Variants in XRN1 observed in about 807,000 individuals in gnomAD.
XRN1 encodes strand-exchange protein 1 homolog.
In XRN1, 67 loss-of-function variants were observed where a neutral mutation model predicts 222.3. That is an observed-to-expected ratio of 0.30 (90% CI 0.25 to 0.37). XRN1 has a LOEUF of 0.37. XRN1 is among the 10% of genes least tolerant of loss of function. The pLI, the probability that XRN1 is intolerant of heterozygous loss-of-function variation, is 1.00. For synonymous variants in XRN1, 643 were observed against 652.4 expected, an observed-to-expected ratio of 0.99 and a Z score of 0.22; for missense variants, 1,707 against 2,000.2, an observed-to-expected ratio of 0.85 and a Z score of 2.80.
intron 15 of XRN1, among the ~76,000 whole-genome samples, chr3:142,409,775 T>C (rs1387224301): frequency 6.6e-6 from 1 of 152,226 alleles, no homozygotes; most frequent in Admixed American, 6.5e-5. Flanking sequence ...AGTCTTCATA[T>C]CCATGAACAT....
chr3:142,334,693 A>T (rs2065798980), intron 34 of XRN1, among the ~76,000 whole-genome samples: 1 of 151,268 alleles, frequency 6.6e-6, no homozygotes, highest in Non-Finnish European at 1.5e-5. Context: ...ATATAAGACC[A>T]TATATATATG....
chr3:142,422,594 G>A lies in XRN1; in HGVS notation c.955C>T (p.Pro319Ser), dbSNP rs61744316. ...AAATTCTTCTTACCCCCAAGTTCTG[G>A]CAGGATGGTAACATATGTTCCATAA... ...LLYGTYVTIL[P>S]ELGGYINESG... Residue 319 changes from proline to serine, a missense_variant, in exon 8 of 41, where the codon CCA (proline) becomes TCA (serine). Transcript: ENST00000392981. The A allele has an allele frequency of 2.9e-3, 4,620 of 1,613,114 alleles. 108 individuals carry two copies. The African/African-American group carries it at 0.055, about 19-fold the overall frequency.
chr3:142,347,172 A>G (rs1305593201), intron 33 of XRN1, 62 bp downstream of exon 33: 1 of 1,116,828 alleles, frequency 9.0e-7, no homozygotes, highest in Non-Finnish European at 1.3e-6. Flanking sequence ...TATCAATAAA[A>G]TGTTTATTTT....
intron 8 of XRN1, among the ~76,000 whole-genome samples, chr3:142,422,126 G>A (rs1012685593): frequency 6.6e-6 from 1 of 151,960 alleles, no homozygotes; most frequent in African/African-American, 2.4e-5. Flanking sequence ...ACTTGAGGCC[G>A]AAGTTTGAGA....
chr3:142,379,179 G>C (rs2067228906), intron 23 of XRN1, among the ~76,000 whole-genome samples: 1 of 152,184 alleles, frequency 6.6e-6, no homozygotes. Flanking sequence ...GCTGAGGCAG[G>C]AGAATCACTT....
At chr3:142,403,828 C>CT in intron 17 of XRN1, 41 bp downstream of exon 17, 6 of 1,611,438 alleles carry the variant, frequency 3.7e-6, no homozygotes, top group South Asian at 1.1e-5. Context: ...TCACTTCACA[C>CT]TTAATAAAGT....
At chr3:142,422,781 C>T (rs1242171244) in intron 7 of XRN1, 31 bp from the exon 8 acceptor site, 2 of 1,605,028 alleles carry the variant, frequency 1.2e-6, no homozygotes, top group East Asian at 4.5e-5. Context: ...AAGTCAAATC[C>T]AGTGAAAATT....
chr3:142,438,463 G>A (rs754396497), intron 1 of XRN1, among the ~76,000 whole-genome samples: 3 of 152,110 alleles, frequency 2.0e-5, no homozygotes, highest in Admixed American at 6.5e-5. Flanking sequence ...GGGTGGTTAC[G>A]CACCCTGGAA....
At position 142,391,747 on chromosome 3, in the gene XRN1, A is replaced by T. The variant is rs866287371; in HGVS notation, c.2339+5582T>A. Among the ~76,000 whole-genome samples, 419 of 108,350 alleles carry T rather than the reference A, an allele frequency of 3.9e-3. 2 individuals carry two copies. The highest frequency in any genetic ancestry group is 0.036 in the South Asian group (98 of 2,738). 71.1% of individuals were successfully genotyped at this position (108,350 alleles called of 152,430 possible). On this transcript the variant is annotated intron_variant, in intron 20 of 40. Transcript: ENST00000392981. Reference sequence around the variant, plus strand: ...AGACCCCGTCTCACTAAAAAAAAAAAAAATATATATATATATATATATATA... The same window carrying T: ...AGACCCCGTCTCACTAAAAAAAAAATAAATATATATATATATATATATATA...
chr3:142,354,539 A>G (rs1221355956), intron 32 of XRN1, among the ~76,000 whole-genome samples: 2 of 152,196 alleles, frequency 1.3e-5, no homozygotes, highest in African/African-American at 4.8e-5. Flanking sequence ...GTGCTTATCA[A>G]TGGTAGATAA....
Position 142,426,782 on chromosome 3 carries a change from G to C in XRN1, c.368C>G (p.Pro123Arg), listed in dbSNP as rs908267592. ...GTTGGAATCAAATCTGGCCTCTGTA[G>C]GAAGAGTTTCTCCCTTCTCTATTGC... ...KKAIEKGETL[P>R]TEARFDSNCI... is the part of the protein sequence containing the mutation. The change falls in exon 3 of 41, where the codon CCT becomes CGT. Residue 123 changes from proline (P) to arginine (R), a missense_variant. Physicochemically the swap from Pro to Arg is moderately radical, Grantham distance 103 (BLOSUM62 -2). Transcript: ENST00000392981. 3 of 1,613,630 alleles carry C rather than the reference G, an allele frequency of 1.9e-6. No homozygotes were observed. The African/African-American group carries it at 4.0e-5, about 22-fold the overall frequency.
intron 33 of XRN1, among the ~76,000 whole-genome samples, chr3:142,342,613 G>C (rs894352709): frequency 6.6e-6 from 1 of 152,128 alleles, no homozygotes; most frequent in African/African-American, 2.4e-5. Flanking sequence ...CGGTGGAACA[G>C]AACAGTGAAC....
intron 14 of XRN1, among the ~76,000 whole-genome samples, chr3:142,412,997 T>G (rs1368939066): frequency 6.6e-6 from 1 of 152,208 alleles, no homozygotes; most frequent in African/African-American, 2.4e-5. Context: ...TCAGACTTCA[T>G]TTCAGTTCAT....
At chr3:142,431,911 TAA>T (rs775353554) in intron 2 of XRN1, among the ~76,000 whole-genome samples, 1 of 27,172 alleles carries the variant, frequency 3.7e-5, no homozygotes, top group African/African-American at 2.8e-4. Context: ...ATTATATATA[TAA>T]ATATATATAA....
intron 20 of XRN1, 142 bp downstream of exon 20, chr3:142,397,187 G>A (rs923264051): frequency 1.3e-6 from 1 of 764,398 alleles, no homozygotes. Context: ...TTTTAAACTA[G>A]AACTCATTAC....
At chr3:142,364,967 A>T in intron 29 of XRN1, 80 bp downstream of exon 29, 1 of 1,395,784 alleles carries the variant, frequency 7.2e-7, no homozygotes, top group Non-Finnish European at 9.6e-7. Flanking sequence ...CTTTCTGGTT[A>T]GATATAAAAA....
At chr3:142,446,773 T>G (rs1489823531) in intron 1 of XRN1, among the ~76,000 whole-genome samples, 1 of 152,196 alleles carries the variant, frequency 6.6e-6, no homozygotes, top group East Asian at 1.9e-4. Flanking sequence ...TCAATCTATG[T>G]TTCAAATAAA....
Position 142,441,559 on chromosome 3 carries a change from G to A in XRN1, c.75+6311C>T, listed in dbSNP as rs112828186. On this transcript the variant is annotated intron_variant, in intron 1 of 40. Coordinates refer to ENST00000392981, the MANE Select transcript of XRN1 (RefSeq NM_001282857.2). ...CAAAGGGTTGGCTTCATTGTTTATA[G>A]GTAGTGGCTGCAGTTGCAGTCTTAG... Among the ~76,000 whole-genome samples the A allele has an allele frequency of 5.1e-3, 782 of 152,356 alleles. 9 individuals carry two copies. Among genetic ancestry groups the A allele is most frequent in the African/African-American group, 0.018 (760 of 41,586 alleles).
rs534633861 is a variant in XRN1 at position 142,374,074 on chromosome 3, GAGA to G, written c.2978+1721_2978+1723del. Among the ~76,000 whole-genome samples, 236 of 152,278 alleles carry G rather than the reference GAGA, an allele frequency of 1.5e-3. 1 individual carries two copies. Among genetic ancestry groups the G allele is most frequent in the African/African-American group, 5.4e-3 (226 of 41,556 alleles). On this transcript the variant is annotated intron_variant, in intron 25 of 40. Coordinates refer to ENST00000392981, the MANE Select transcript of XRN1 (RefSeq NM_001282857.2). ...CAGGCAAACTATCGATCAAGTGCAGGAGAAGAATAAAGACATCTCCAGACATGC... is the reference window on the plus strand; with the variant it reads ...CAGGCAAACTATCGATCAAGTGCAGGAGAATAAAGACATCTCCAGACATGC...
Sources: allele counts gnomAD v4.1 joint callset (sites outside exome capture counted in the v4.1 genomes callset), GRCh38; gene constraint gnomAD v4.1.1; transcripts MANE v1.5; gene names NCBI Gene and HGNC (gene_info 2026-07-23, HGNC 2026-07-21).